Variants in CELF5 observed in about 807,000 individuals in gnomAD.
CELF5 encodes the protein CUGBP Elav-like family member 5, also known as CUG-BP and ETR-3 like factor 5.
Under a neutral mutation model 54.9 loss-of-function variants are expected in CELF5, and 6 were observed. The ratio of observed to expected loss-of-function variants is 0.11; its 90% CI spans 0.06 to 0.22. CELF5 has a LOEUF of 0.22. CELF5 is among the 10% of genes least tolerant of loss of function. The pLI is 1.00. For synonymous variants in CELF5, 271 were observed against 290.9 expected (o/e 0.93, Z 0.70); for missense variants, 401 against 678.6 (o/e 0.59, Z 4.54).
At chr19:3,230,388 A>G (rs1431130503) in intron 1 of CELF5, among the ~76,000 whole-genome samples, 1 of 152,222 alleles carries the variant, frequency 6.6e-6, no homozygotes, top group Admixed American at 6.5e-5. Context: ...TCCAGGCCCT[A>G]TGATGGGCAT....
At chr19:3,262,325 G>A (rs1275305466) in intron 2 of CELF5, among the ~76,000 whole-genome samples, 2 of 152,112 alleles carry the variant, frequency 1.3e-5, no homozygotes, top group African/African-American at 2.4e-5. Context: ...CACCGCGCCC[G>A]GCCAAGAAAC....
rs546944053 is a variant in CELF5, at chr19:3,273,972, GAGA to G, written c.394+55_394+57del. The G allele has an allele frequency of 2.5e-4, 390 of 1,572,284 alleles. 2 individuals carry two copies. The African/African-American group carries it at 3.7e-3, about 15-fold the overall frequency. On this transcript the variant is annotated intron_variant, in intron 3 of 12. Transcript: ENST00000292672. ...AGGCTGGGGGTTGGCGGAGGAATGGGAGAAGAAGGAAAATCTCTTCCTTCCTCT... is the reference window on the plus strand; with the variant it reads ...AGGCTGGGGGTTGGCGGAGGAATGGGAGAAGGAAAATCTCTTCCTTCCTCT...
At chr19:3,229,085 C>T (rs564333087) in intron 1 of CELF5, among the ~76,000 whole-genome samples, 1 of 141,044 alleles carries the variant, frequency 7.1e-6, no homozygotes, top group Admixed American at 7.1e-5. Flanking sequence ...CGTTTCTGCA[C>T]CTCCCTCCCC....
intron 2 of CELF5, among the ~76,000 whole-genome samples, chr19:3,271,474 C>A (rs972652795): frequency 6.6e-6 from 1 of 152,010 alleles, no homozygotes; most frequent in Non-Finnish European, 1.5e-5. Context: ...TCTGAGGGTG[C>A]GGCTGGGCGG....
At chr19:3,262,828 A>G (rs568100797) in intron 2 of CELF5, among the ~76,000 whole-genome samples, 1 of 152,166 alleles carries the variant, frequency 6.6e-6, no homozygotes, top group South Asian at 2.1e-4. Context: ...CATCCCAGCT[A>G]CTTGGGAGGC....
intron 2 of CELF5, among the ~76,000 whole-genome samples, chr19:3,257,314 T>G (rs1599426391): frequency 6.8e-6 from 1 of 148,092 alleles, no homozygotes. Flanking sequence ...TGACGGGGAG[T>G]GAGGGGGAGA....
At chr19:3,244,373 CTGTA>C (rs1285983324) in intron 1 of CELF5, among the ~76,000 whole-genome samples, 1 of 140,456 alleles carries the variant, frequency 7.1e-6, no homozygotes, top group Non-Finnish European at 1.6e-5. Context: ...GTGTGTGCAT[CTGTA>C]TGTGTGTAGT....
chr19:3,261,185 C>T (rs972241375), intron 2 of CELF5, among the ~76,000 whole-genome samples: 3 of 152,042 alleles, frequency 2.0e-5, no homozygotes, highest in South Asian at 4.2e-4. Flanking sequence ...TTTAGAAGGC[C>T]GAGGCAGGGG....
At chr19:3,284,164 G>A (rs1260421976) in intron 8 of CELF5, among the ~76,000 whole-genome samples, 2 of 151,944 alleles carry the variant, frequency 1.3e-5, no homozygotes, top group Non-Finnish European at 2.9e-5. Flanking sequence ...ACGAGTTTTT[G>A]TATGCACTCT....
chr19:3,296,612 G>A (rs1181343538), intron 12 of CELF5, 146 bp from the exon 13 acceptor site: 3 of 152,222 alleles, frequency 2.0e-5, no homozygotes, highest in Non-Finnish European at 4.4e-5. Flanking sequence ...ATGCCAATCT[G>A]CCTCGAGGGG....
chr19:3,227,921 A>AC (rs915956746), intron 1 of CELF5, among the ~76,000 whole-genome samples: 1 of 152,050 alleles, frequency 6.6e-6, no homozygotes, highest in Non-Finnish European at 1.5e-5. Context: ...GGGGCCCGTG[A>AC]CACCTGACAG....
chr19:3,225,304 A>G (rs1228321403), intron 1 of CELF5, among the ~76,000 whole-genome samples: 1 of 61,992 alleles, frequency 1.6e-5, no homozygotes, highest in Admixed American at 1.8e-4. Context: ...CTTCTCTCCC[A>G]TCTCCCTCGA....
intron 11 of CELF5, among the ~76,000 whole-genome samples, chr19:3,291,982 T>C (rs1167727544): frequency 6.6e-6 from 1 of 152,176 alleles, no homozygotes; most frequent in Non-Finnish European, 1.5e-5. Context: ...GCTTCACTCT[T>C]GTTGCCCAGG....
chr19:3,288,019 TG>T (rs34182596), intron 10 of CELF5, among the ~76,000 whole-genome samples: 1 of 152,016 alleles, frequency 6.6e-6, no homozygotes, highest in African/African-American at 2.4e-5. Flanking sequence ...TGACCCCGGA[TG>T]GGGAAGGTGC....
chr19:3,225,480 C>CCCAAAA, intron 1 of CELF5: 2 of 670,804 alleles, frequency 3.0e-6, no homozygotes, highest in Non-Finnish European at 3.6e-6. Context: ...CCCCCACCCC[C>CCCAAAA]ATTCATTCAG....
At chr19:3,284,703 T>A in intron 8 of CELF5, 199 bp from the exon 9 acceptor site, 1 of 590,188 alleles carries the variant, frequency 1.7e-6, no homozygotes, top group East Asian at 2.8e-5. Context: ...CAGTTCAGCT[T>A]CTGCCATTTG....
Position 3,278,498 on chromosome 19 carries a change from G to T in CELF5, c.603+388G>T, listed in dbSNP as rs981441477. ...TATGTGAGTGCTGTGTGCACGAGGG[G>T]TGTGCGTAAATATGTATGGATAAGT... On this transcript the variant is annotated intron_variant, in intron 5 of 12. Coordinates refer to ENST00000292672, the MANE Select transcript of CELF5 (RefSeq NM_021938.4). This position sits in a 1 kb window ranked among gnomAD's most constrained non-coding sequence, Gnocchi z 4.5. Among the ~76,000 whole-genome samples the T allele has an allele frequency of 1.3e-5, 2 of 152,064 alleles. No individual in the cohort carries two copies. The highest frequency in any genetic ancestry group is 2.9e-5 in the Non-Finnish European group (2 of 68,016).
At chr19:3,276,320 G>T (rs2080051568) in intron 4 of CELF5, among the ~76,000 whole-genome samples, 1 of 150,594 alleles carries the variant, frequency 6.6e-6, no homozygotes, top group Non-Finnish European at 1.5e-5. Context: ...GTGGCTGCAG[G>T]GGTGGGGAGG....
intron 2 of CELF5, among the ~76,000 whole-genome samples, chr19:3,263,321 G>T: frequency 6.7e-6 from 1 of 149,964 alleles, no homozygotes; most frequent in East Asian, 2.0e-4. Context: ...CCAGCACTTT[G>T]GGAGGCAGAG....
Sources: allele counts gnomAD v4.1 joint callset (sites outside exome capture counted in the v4.1 genomes callset), GRCh38; gene constraint gnomAD v4.1.1; non-coding constraint Gnocchi (gnomAD v3.1); transcripts MANE v1.5; gene names NCBI Gene and HGNC (gene_info 2026-07-23, HGNC 2026-07-21).